CRISPLD2: variants seen among roughly 807,000 people sequenced by gnomAD.
CRISPLD2 encodes the protein cysteine rich secretory protein LCCL domain containing 2.
CRISPLD2 carries 47 observed loss-of-function variants against 71.1 expected under a neutral mutation model. The ratio of observed to expected loss-of-function variants is 0.66; its 90% CI spans 0.52 to 0.84. The LOEUF (loss-of-function observed/expected upper bound fraction) is 0.84, where lower values mean the gene tolerates loss of function less well. Among genes scored for constraint, CRISPLD2 ranks in the 40% least tolerant of loss-of-function variants. The pLI is 0.00. For synonymous variants in CRISPLD2, 317 were observed against 250.1 expected (o/e 1.27, Z -2.52); for missense variants, 830 against 651.1 (o/e 1.27, Z -2.99).
chr16:84,880,939 A>G (rs577257192), intron 13 of CRISPLD2, among the ~76,000 whole-genome samples: 1 of 152,218 alleles, frequency 6.6e-6, no homozygotes, highest in Non-Finnish European at 1.5e-5. Context: ...TCCCAACCTC[A>G]GATGATCCGC....
chr16:84,837,292 G>A (rs1916644363), intron 1 of CRISPLD2, among the ~76,000 whole-genome samples: 1 of 152,200 alleles, frequency 6.6e-6, no homozygotes, highest in Non-Finnish European at 1.5e-5. Context: ...CAGGGACAGA[G>A]GAGTCAAGGT....
intron 14 of CRISPLD2, among the ~76,000 whole-genome samples, chr16:84,900,051 C>T (rs1037640505): frequency 1.3e-5 from 2 of 152,160 alleles, no homozygotes; most frequent in East Asian, 1.9e-4. Flanking sequence ...CAGAAACCAG[C>T]AGGGCCGCCA....
chr16:84,875,846 G>A (rs1433208625), intron 11 of CRISPLD2, among the ~76,000 whole-genome samples: 3 of 151,688 alleles, frequency 2.0e-5, no homozygotes, highest in African/African-American at 4.8e-5. Flanking sequence ...GATTACATGC[G>A]TGAGCCATTG....
In CRISPLD2 at chr16:84,868,948, C is replaced by T. The variant is rs370925447; in HGVS notation, c.914+37C>T. ...CTGGGCTGTCCTGCCACTGTAGCCTCTGAGTCTGTGCTGGGCTGTCCTACC... is the reference window on the plus strand; with the variant it reads ...CTGGGCTGTCCTGCCACTGTAGCCTTTGAGTCTGTGCTGGGCTGTCCTACC... On this transcript the variant is annotated intron_variant, in intron 8 of 14. Coordinates refer to ENST00000262424, the MANE Select transcript of CRISPLD2 (RefSeq NM_031476.4). The T allele has an allele frequency of 1.4e-5, 21 of 1,498,998 alleles. No individual in the cohort carries two copies. The African/African-American group carries it at 2.2e-4, about 16-fold the overall frequency. The allele number at this position is 1,498,998 out of a possible 1,614,324, so 92.9% of individuals were successfully genotyped here. A position where few individuals can be genotyped will look rare whatever the true frequency, so the allele number is the denominator to read the frequency against.
At chr16:84,890,510 T>A (rs780547360) in intron 14 of CRISPLD2, among the ~76,000 whole-genome samples, 2 of 152,228 alleles carry the variant, frequency 1.3e-5, no homozygotes, top group African/African-American at 2.4e-5. Flanking sequence ...TTTCTCTTCG[T>A]AGCTGGTGTG....
At chr16:84,841,558 CAG>C (rs939797539) in intron 2 of CRISPLD2, among the ~76,000 whole-genome samples, 2 of 151,496 alleles carry the variant, frequency 1.3e-5, no homozygotes, top group Non-Finnish European at 2.9e-5. Flanking sequence ...AAAAAAGAAA[CAG>C]GGTTTTTTTG....
chr16:84,837,275 T>A (rs942048362), intron 1 of CRISPLD2, among the ~76,000 whole-genome samples: 5 of 152,194 alleles, frequency 3.3e-5, no homozygotes, highest in Non-Finnish European at 7.3e-5. Flanking sequence ...GGGAGGTAGT[T>A]GGCCCCCAGG....
intron 8 of CRISPLD2, among the ~76,000 whole-genome samples, chr16:84,872,033 AT>A (rs2071475340): frequency 6.6e-6 from 1 of 152,224 alleles, no homozygotes; most frequent in Non-Finnish European, 1.5e-5. Flanking sequence ...TAAAAAACTG[AT>A]ACAAATTTTA....
At position 84,861,613 on chromosome 16, in the gene CRISPLD2, G is replaced by T. The variant is rs8055499; in HGVS notation, c.710-5284G>T. Among the ~76,000 whole-genome samples, 790 of 152,162 alleles carry T rather than the reference G, an allele frequency of 5.2e-3. 5 individuals are homozygous for T. Among genetic ancestry groups the T allele is most frequent in the African/African-American group, 0.018 (761 of 41,498 alleles). ...CAAGACCCAGCCCACTGACTCAAATGTTAATCTCCTTTGGCAGCACCTTCA... is the reference window on the plus strand; with the variant it reads ...CAAGACCCAGCCCACTGACTCAAATTTTAATCTCCTTTGGCAGCACCTTCA... On this transcript the variant is annotated intron_variant, in intron 6 of 14. Transcript: ENST00000262424.
intron 1 of CRISPLD2, among the ~76,000 whole-genome samples, chr16:84,822,286 C>T (rs1279796831): frequency 6.6e-6 from 1 of 152,254 alleles, no homozygotes; most frequent in African/African-American, 2.4e-5. Context: ...GGGAAGAAGA[C>T]TGCGAGGTCT....
At chr16:84,829,342 G>C (rs944984453) in intron 1 of CRISPLD2, 3 of 152,192 alleles carry the variant, frequency 2.0e-5, no homozygotes, top group Non-Finnish European at 4.4e-5. Context: ...CACTCACTGC[G>C]TGGTGCTTAC....
At chr16:84,837,415 C>CTTT (rs770665907) in intron 1 of CRISPLD2, among the ~76,000 whole-genome samples, 3 of 112,972 alleles carry the variant, frequency 2.7e-5, no homozygotes, top group African/African-American at 3.0e-5. Flanking sequence ...CCATAGCTTG[C>CTTT]TTTTTTTTTT....
rs1291504515 is a variant in CRISPLD2, at chr16:84,854,831, T to G, written c.709+2T>G. 6.2e-7 allele frequency: 1 copy of G among 1,610,826 alleles called. No homozygotes were observed. Among genetic ancestry groups the G allele is most frequent in the African/African-American group, 1.3e-5 (1 of 74,938 alleles). On this transcript the variant is annotated splice_donor_variant, in intron 6 of 14. Transcript: ENST00000262424. LOFTEE classifies it high-confidence loss of function. ...GCAGGAACAACTTGTGTTACCGAGGTAGGAAATTTACTCCCAACACTTTTG... is the reference window on the plus strand; with the variant it reads ...GCAGGAACAACTTGTGTTACCGAGGGAGGAAATTTACTCCCAACACTTTTG...
rs552725450 is a variant in CRISPLD2 at position 84,870,829 on chromosome 16, C to T, written c.915-1613C>T. ...ATCCCAGCACTTTGGGAGGCCGAGG[C>T]GGGTGGATCACTTAAGGCCAAGAGT... On this transcript the variant is annotated intron_variant, in intron 8 of 14. Transcript: ENST00000262424. Among the ~76,000 whole-genome samples the T allele has an allele frequency of 2.8e-4, 43 of 151,796 alleles. 1 individual carries two copies. The South Asian group carries it at 7.1e-3, about 25-fold the overall frequency.
At position 84,895,341 on chromosome 16, in the gene CRISPLD2, C is replaced by T. The variant is rs542894005; in HGVS notation, c.1439+5978C>T. 2.0e-5 allele frequency among the ~76,000 whole-genome samples: 3 copies of T among 152,254 alleles called. No homozygotes were observed. The East Asian group carries it at 5.8e-4, about 29-fold the overall frequency. Reference sequence around the variant, plus strand: ...CAGGCCACTGAACTTGGGGCACAGACCCTTCCCAAGAAGGGGCCAGGGAGA... The same window carrying T: ...CAGGCCACTGAACTTGGGGCACAGATCCTTCCCAAGAAGGGGCCAGGGAGA... On this transcript the variant is annotated intron_variant, in intron 14 of 14. Coordinates refer to ENST00000262424, the MANE Select transcript of CRISPLD2 (RefSeq NM_031476.4).
At chr16:84,840,346 T>C (rs540084273) in intron 2 of CRISPLD2, among the ~76,000 whole-genome samples, 32 of 152,324 alleles carry the variant, frequency 2.1e-4, no homozygotes, top group African/African-American at 7.7e-4. Flanking sequence ...TTAGCACCAA[T>C]TTGCAGAAGA....
Position 84,900,331 on chromosome 16 carries a change from C to T in CRISPLD2, c.1440-6257C>T, listed in dbSNP as rs202027769. Among the ~76,000 whole-genome samples, 5 of 152,138 alleles carry T rather than the reference C, an allele frequency of 3.3e-5. No homozygotes were observed. The East Asian group carries it at 9.6e-4, about 29-fold the overall frequency. ...TAGCAGCCTGAGAGGGCCGGGGTCTCCTGGCTAGTCTGGCAGTTTCCAATC... is the reference window on the plus strand; with the variant it reads ...TAGCAGCCTGAGAGGGCCGGGGTCTTCTGGCTAGTCTGGCAGTTTCCAATC... On this transcript the variant is annotated intron_variant, in intron 14 of 14. Transcript: ENST00000262424.
chr16:84,847,288 G>T (rs567314331), intron 3 of CRISPLD2, among the ~76,000 whole-genome samples: 5 of 152,128 alleles, frequency 3.3e-5, no homozygotes, highest in Non-Finnish European at 7.4e-5. Context: ...ATGGTGGATC[G>T]ACCGCGGTGA....
At chr16:84,827,139 A>AC (rs1916372218) in intron 1 of CRISPLD2, among the ~76,000 whole-genome samples, 1 of 73,466 alleles carries the variant, frequency 1.4e-5, no homozygotes, top group Non-Finnish European at 2.6e-5. Flanking sequence ...CTGCCCCCGC[A>AC]CCCCCCAAGG....
Sources: gnomAD v4.1 joint callset for allele counts (sites outside exome capture counted in the v4.1 genomes callset) on GRCh38, gnomAD v4.1.1 for gene constraint, MANE v1.5 for transcripts, NCBI Gene and HGNC (gene_info 2026-07-23, HGNC 2026-07-21) for gene names.